CLVS1: variants seen among roughly 807,000 people sequenced by gnomAD.
CLVS1 encodes the protein clavesin-1.
A neutral mutation model predicts 33.1 loss-of-function variants in CLVS1; 10 were observed. That is an observed-to-expected ratio of 0.30 (90% confidence interval 0.19 to 0.51). The LOEUF is 0.51. Among genes scored for constraint, CLVS1 ranks in the 20% least tolerant of loss-of-function variants. The pLI, the probability that CLVS1 is intolerant of heterozygous loss-of-function variation, is 0.97. For synonymous variants in CLVS1, 163 were observed against 166.1 expected (o/e 0.98, Z 0.14); for missense variants, 343 against 433.4 (o/e 0.79, Z 1.85).
At chr8:61,485,563 A>G (rs902576734) in intron 5 of CLVS1, among the ~76,000 whole-genome samples, 4 of 152,258 alleles carry the variant, frequency 2.6e-5, no homozygotes, top group African/African-American at 9.6e-5. Context: ...TAGAACTGGA[A>G]ATACCATTTG....
At chr8:61,352,373 G>C (rs534143527) in intron 2 of CLVS1, among the ~76,000 whole-genome samples, 2 of 151,748 alleles carry the variant, frequency 1.3e-5, no homozygotes, top group Non-Finnish European at 2.9e-5. Context: ...CAGAAACAGA[G>C]GAATGATCAT....
intron 2 of CLVS1, among the ~76,000 whole-genome samples, chr8:61,199,407 G>GA (rs1239279370): frequency 4.0e-5 from 6 of 151,226 alleles, no homozygotes; most frequent in South Asian, 4.2e-4. Context: ...AAACAAATTA[G>GA]AAAAAAAATA....
intron 5 of CLVS1, among the ~76,000 whole-genome samples, chr8:61,475,557 C>T (rs1476285936): frequency 6.6e-6 from 1 of 152,198 alleles, no homozygotes; most frequent in East Asian, 1.9e-4. Flanking sequence ...TGATGATGAG[C>T]ATTTTTTCAT....
chr8:61,373,663 A>G (rs1813528602), intron 2 of CLVS1, among the ~76,000 whole-genome samples: 1 of 152,166 alleles, frequency 6.6e-6, no homozygotes, highest in African/African-American at 2.4e-5. Flanking sequence ...CCAAAAGAGT[A>G]TTTGCTGTGA....
chr8:61,000,502 A>G, the CLVS1 span, among the ~76,000 whole-genome samples: 1 of 152,172 alleles, frequency 6.6e-6, no homozygotes, highest in Non-Finnish European at 1.5e-5. Flanking sequence ...CGTGAGAGGG[A>G]TGATGGATTG....
intron 2 of CLVS1, chr8:61,300,490 C>T: frequency 2.0e-6 from 1 of 492,278 alleles, no homozygotes; most frequent in Non-Finnish European, 3.6e-6. Flanking sequence ...TTGTAAGAGA[C>T]CTTAGAAGTC....
intron 1 of CLVS1, among the ~76,000 whole-genome samples, chr8:61,078,577 TCATCTAA>T (rs1275108506): frequency 6.6e-6 from 1 of 152,236 alleles, no homozygotes; most frequent in East Asian, 1.9e-4. Context: ...TCAGAAGCCT[TCATCTAA>T]TTCATTCTGA....
intron 2 of CLVS1, among the ~76,000 whole-genome samples, chr8:61,364,075 T>C (rs1331498279): frequency 2.0e-5 from 3 of 152,226 alleles, no homozygotes; most frequent in Non-Finnish European, 4.4e-5. Flanking sequence ...TACTCACTTC[T>C]AGAAGAAGTG....
chr8:61,360,823 A>G (rs1306777598), intron 2 of CLVS1, among the ~76,000 whole-genome samples: 3 of 152,114 alleles, frequency 2.0e-5, no homozygotes, highest in African/African-American at 4.8e-5. Context: ...AATAAATGCT[A>G]TAGTTGATTT....
chr8:61,076,432 A>T (rs1804911942), intron 1 of CLVS1, among the ~76,000 whole-genome samples: 1 of 152,202 alleles, frequency 6.6e-6, no homozygotes, highest in South Asian at 2.1e-4. Flanking sequence ...TAGCAAATGT[A>T]CTGAGTAGCC....
At chr8:61,126,836 A>G (rs1805982009) in intron 1 of CLVS1, among the ~76,000 whole-genome samples, 1 of 152,182 alleles carries the variant, frequency 6.6e-6, no homozygotes, top group Admixed American at 6.5e-5. Context: ...CTCTCTCTAC[A>G]TTGCTGACAA....
chr8:61,479,536 C>T (rs941217372), intron 5 of CLVS1, among the ~76,000 whole-genome samples: 2 of 152,086 alleles, frequency 1.3e-5, no homozygotes, highest in African/African-American at 2.4e-5. Context: ...CTAACTTCCT[C>T]CTTTAGCTCG....
At chr8:60,969,370 A>C in the CLVS1 span, among the ~76,000 whole-genome samples, 19,076 of 152,168 alleles carry the variant, frequency 0.13, 1,744 homozygotes, top group East Asian at 0.41. Context: ...TATACTCTTT[A>C]AGTGTAGGGG....
intron 1 of CLVS1, among the ~76,000 whole-genome samples, chr8:61,113,390 A>C (rs1805664448): frequency 6.6e-6 from 1 of 152,204 alleles, no homozygotes; most frequent in African/African-American, 2.4e-5. Flanking sequence ...AGATGGGTCC[A>C]ACCACATGGG....
intron 2 of CLVS1, among the ~76,000 whole-genome samples, chr8:61,359,363 TTTC>T (rs1366118489): frequency 2.0e-5 from 3 of 152,196 alleles, no homozygotes; most frequent in Non-Finnish European, 2.9e-5. Flanking sequence ...ACTTTTTTTT[TTTC>T]TTTTTTTGAG....
chr8:61,125,811 A>G (rs1805958604), intron 1 of CLVS1, among the ~76,000 whole-genome samples: 1 of 152,256 alleles, frequency 6.6e-6, no homozygotes, highest in Non-Finnish European at 1.5e-5. Context: ...CGGCATAGCT[A>G]TGAGACACAC....
intron 5 of CLVS1, among the ~76,000 whole-genome samples, chr8:61,489,878 C>T (rs1460440606): frequency 1.3e-5 from 2 of 152,204 alleles, no homozygotes; most frequent in African/African-American, 2.4e-5. Context: ...GTAGGAGCTA[C>T]TCTCTGCAGC....
chr8:61,231,143 A>T (rs1968908), intron 2 of CLVS1, among the ~76,000 whole-genome samples: 89,221 of 151,986 alleles, frequency 0.59, 27,416 homozygotes, highest in East Asian at 0.97. Flanking sequence ...GAGGCTGACT[A>T]TCCTAAAAGC....
chr8:61,387,942 T>G (rs564079628), intron 3 of CLVS1, among the ~76,000 whole-genome samples: 1 of 152,338 alleles, frequency 6.6e-6, no homozygotes, highest in African/African-American at 2.4e-5. Flanking sequence ...AACATGAATG[T>G]GTAAGTATCT....
Sources: gnomAD v4.1 joint callset for allele counts (sites outside exome capture counted in the v4.1 genomes callset) on GRCh38, gnomAD v4.1.1 for gene constraint, MANE v1.5 for transcripts, NCBI Gene and HGNC (gene_info 2026-07-23, HGNC 2026-07-21) for gene names.